Variants in SULF2 observed in about 807,000 individuals in gnomAD.
SULF2 encodes sulfatase 2.
Under a neutral mutation model 107.7 loss-of-function variants are expected in SULF2, and 52 were observed. That is an observed-to-expected ratio of 0.48 (90% CI 0.39 to 0.61). The LOEUF (loss-of-function observed/expected upper bound fraction) is 0.61. Ranked by LOEUF, SULF2 falls within the 20% of genes least tolerant of loss-of-function variation. The probability of loss-of-function intolerance (pLI) is 0.00; values close to 1 mark genes in which losing one functional copy is unlikely to be tolerated. For synonymous variants in SULF2, 460 were observed against 464.3 expected (o/e 0.99, Z 0.12); for missense variants, 993 against 1,177.3 (o/e 0.84, Z 2.29).
intron 2 of SULF2, among the ~76,000 whole-genome samples, chr20:47,745,688 C>A (rs1018798862): frequency 2.6e-5 from 4 of 151,496 alleles, no homozygotes; most frequent in Non-Finnish European, 5.9e-5. Context: ...ACTATCATTC[C>A]CGGCTAATTT....
chr20:47,715,440 CT>C (rs1435733089), intron 3 of SULF2, among the ~76,000 whole-genome samples: 1 of 152,180 alleles, frequency 6.6e-6, no homozygotes, highest in Admixed American at 6.5e-5. Flanking sequence ...CCCTTGTCCC[CT>C]GTGTCCTCAC....
At chr20:47,663,899 C>G (rs2087173921) in intron 15 of SULF2, among the ~76,000 whole-genome samples, 1 of 152,234 alleles carries the variant, frequency 6.6e-6, no homozygotes, top group Non-Finnish European at 1.5e-5. Flanking sequence ...TCCCCTCCTT[C>G]CTGTGTCCTG....
chr20:47,661,091 A>G lies in SULF2; in HGVS notation c.2494+682T>C, dbSNP rs562706946. Among the ~76,000 whole-genome samples, 10 of 152,160 alleles carry G rather than the reference A, an allele frequency of 6.6e-5. No individual in the cohort carries two copies. The South Asian group carries it at 1.7e-3, about 25-fold the overall frequency. Reference sequence around the variant, plus strand: ...TCCATTGGCTTCCTGATACACCACAAATGAAATCTAAACTCTACCGTGGCC... The same window carrying G: ...TCCATTGGCTTCCTGATACACCACAGATGAAATCTAAACTCTACCGTGGCC... On this transcript the variant is annotated intron_variant, in intron 18 of 20. Coordinates refer to ENST00000688720, the MANE Select transcript of SULF2 (RefSeq NM_001387048.1).
chr20:47,701,088 C>T (rs1009737997), intron 4 of SULF2, among the ~76,000 whole-genome samples: 1 of 152,186 alleles, frequency 6.6e-6, no homozygotes, highest in Non-Finnish European at 1.5e-5. Flanking sequence ...AAACTGGAGA[C>T]AACCAAAATG....
chr20:47,765,032 T>C lies in SULF2; in HGVS notation c.-100-7569A>G, dbSNP rs949963053. On this transcript the variant is annotated intron_variant, in intron 1 of 20. Coordinates refer to ENST00000688720, the MANE Select transcript of SULF2 (RefSeq NM_001387048.1). ...GTCCCTTTGGTCCTCCCTTCCCATCTTCTCTCCACCTCCAAATCCAACAAG... is the reference window on the plus strand; with the variant it reads ...GTCCCTTTGGTCCTCCCTTCCCATCCTCTCTCCACCTCCAAATCCAACAAG... 3.3e-5 allele frequency among the ~76,000 whole-genome samples: 5 copies of C among 152,080 alleles called. No homozygotes were observed. The East Asian group carries it at 5.8e-4, about 18-fold the overall frequency.
At chr20:47,661,506 T>C (rs2281279) in intron 18 of SULF2, 77,012 of 298,968 alleles carry the variant, frequency 0.26, 10,444 homozygotes, top group Middle Eastern at 0.36. Flanking sequence ...GTTGAATGCA[T>C]GAGTGGACAA....
intron 2 of SULF2, among the ~76,000 whole-genome samples, chr20:47,742,798 A>C (rs2089915806): frequency 6.6e-6 from 1 of 152,176 alleles, no homozygotes; most frequent in African/African-American, 2.4e-5. Context: ...CTGACCTGCC[A>C]CAGATGACGA....
intron 11 of SULF2, 48 bp downstream of exon 11, chr20:47,672,150 G>A: frequency 6.5e-7 from 1 of 1,547,550 alleles, no homozygotes; most frequent in Non-Finnish European, 8.8e-7. Flanking sequence ...GGCCCCCCAG[G>A]CATGGTCTCT....
chr20:47,734,996 C>CA (rs1312058003), intron 3 of SULF2, among the ~76,000 whole-genome samples: 1 of 152,200 alleles, frequency 6.6e-6, no homozygotes, highest in African/African-American at 2.4e-5. Context: ...CTTTAGCTCC[C>CA]ACCCTGAGCC....
At chr20:47,684,339 C>T in intron 6 of SULF2, 92 bp downstream of exon 6, 4 of 1,385,060 alleles carry the variant, frequency 2.9e-6, no homozygotes, top group Non-Finnish European at 3.8e-6. Flanking sequence ...TCTATTCCTC[C>T]AGGAAAACCC....
At chr20:47,737,755 G>GA (rs1426546309) in intron 2 of SULF2, among the ~76,000 whole-genome samples, 1 of 61,834 alleles carries the variant, frequency 1.6e-5, no homozygotes, top group Admixed American at 2.3e-4. Context: ...TCTTTTCTTT[G>GA]TTTTTTTTTT....
In SULF2 at chr20:47,690,228, G is replaced by C; in HGVS notation, c.635C>G (p.Pro212Arg). The change falls in exon 5 of 21, where the codon CCG becomes CGG. Residue 212 changes from proline (P) to arginine (R), a missense_variant. This residue lies in a region of SULF2 where 388 missense variants were observed against 449.2 expected (regional missense o/e 0.86). Coordinates refer to ENST00000688720, the MANE Select transcript of SULF2 (RefSeq NM_001387048.1). Reference sequence around the variant, plus strand: ...GATGACCATGAGGACTGGCCTGTGCGGGTACATCTTCTTGGACGTGCGGAA... The same window carrying C: ...GATGACCATGAGGACTGGCCTGTGCCGGTACATCTTCTTGGACGTGCGGAA... Reference protein sequence around the residue: ...SFFRTSKKMYPHRPVLMVISH... With the variant: ...SFFRTSKKMYRHRPVLMVISH... 1 of 1,572,316 alleles carries C rather than the reference G, an allele frequency of 6.4e-7. No individual in the cohort carries two copies. The highest frequency in any genetic ancestry group is 8.7e-7 in the Non-Finnish European group (1 of 1,155,824).
rs193164317 is a variant in SULF2 at position 47,672,367 on chromosome 20, C to T, written c.1407G>A (p.Thr469=). The T allele has an allele frequency of 8.5e-5, 137 of 1,611,980 alleles. No homozygotes were observed. The East Asian group carries it at 2.3e-3, about 27-fold the overall frequency. ...TGCACTTATGCAGCTTCAGCTTCCC[C>T]GTGGCGTCCTCCACACACTGCCACT... ...GQKWQCVEDA[T]GKLKLHKCKG... Residue 469 remains threonine, a synonymous_variant, in exon 11 of 21, where the codon ACG becomes ACA. Coordinates refer to ENST00000688720, the MANE Select transcript of SULF2 (RefSeq NM_001387048.1).
intron 4 of SULF2, among the ~76,000 whole-genome samples, chr20:47,695,050 G>A (rs1274051014): frequency 6.6e-6 from 1 of 152,160 alleles, no homozygotes; most frequent in Non-Finnish European, 1.5e-5. Flanking sequence ...CATACATAGT[G>A]GTTTAGAGCA....
At chr20:47,745,855 G>C (rs888413171) in intron 2 of SULF2, among the ~76,000 whole-genome samples, 3 of 152,110 alleles carry the variant, frequency 2.0e-5, no homozygotes, top group African/African-American at 4.8e-5. Context: ...AACAAGTATC[G>C]TCTCACGCGG....
At chr20:47,769,038 G>T (rs530269729) in intron 1 of SULF2, among the ~76,000 whole-genome samples, 1,422 of 77,512 alleles carry the variant, frequency 0.018, 11 homozygotes, top group South Asian at 0.049. Flanking sequence ...CCGCCACCAT[G>T]CCTGCCTCAT....
chr20:47,718,711 A>G (rs2089198249), intron 3 of SULF2, among the ~76,000 whole-genome samples: 1 of 152,198 alleles, frequency 6.6e-6, no homozygotes, highest in African/African-American at 2.4e-5. Flanking sequence ...TTTTTGGTCC[A>G]AGCAATGAGG....
At chr20:47,677,211 C>A in intron 8 of SULF2, 77 bp from the exon 9 acceptor site, 1 of 1,517,452 alleles carries the variant, frequency 6.6e-7, no homozygotes, top group Non-Finnish European at 9.1e-7. Context: ...GGAGCAGGGA[C>A]GGCACCAGGA....
chr20:47,734,956 A>C (rs180848064), intron 3 of SULF2, among the ~76,000 whole-genome samples: 1 of 152,350 alleles, frequency 6.6e-6, no homozygotes, highest in East Asian at 1.9e-4. Flanking sequence ...TGATTTTCTC[A>C]TGTCGCCTGT....
Sources: gnomAD v4.1 joint callset for allele counts (sites outside exome capture counted in the v4.1 genomes callset) on GRCh38, gnomAD v4.1.1 for gene constraint, gnomAD v4.1.1 regional missense constraint, MANE v1.5 for transcripts, NCBI Gene and HGNC (gene_info 2026-07-23, HGNC 2026-07-21) for gene names.